ARAP2: variants seen among roughly 807,000 people sequenced by gnomAD.
ARAP2 encodes the protein arf-GAP with Rho-GAP domain, ANK repeat and PH domain-containing protein 2.
Under a neutral mutation model 194.5 loss-of-function variants are expected in ARAP2, and 148 were observed. The observed-to-expected ratio is 0.76, with a 90% CI of 0.67 to 0.87. The LOEUF (loss-of-function observed/expected upper bound fraction) is 0.87. ARAP2 is among the 40% of genes least tolerant of loss of function. ARAP2 has a pLI of 0.00. For synonymous variants in ARAP2, 695 were observed against 683.5 expected (o/e 1.02, Z -0.26); for missense variants, 2,128 against 1,989.7 (o/e 1.07, Z -1.32).
intron 15 of ARAP2, among the ~76,000 whole-genome samples, chr4:36,156,840 A>G (rs1298263523): frequency 6.6e-6 from 1 of 152,262 alleles, no homozygotes; most frequent in Non-Finnish European, 1.5e-5. Flanking sequence ...CGTATTACCT[A>G]AAATGCAATG....
At chr4:36,147,421 G>A (rs1202395819) in intron 18 of ARAP2, 62 bp from the exon 19 acceptor site, 3 of 1,583,684 alleles carry the variant, frequency 1.9e-6, no homozygotes, top group African/African-American at 2.7e-5. Context: ...CACCCATGAA[G>A]ACACAAATAT....
rs1746521326 is a variant in ARAP2 at position 36,210,512 on chromosome 4, T to C, written c.1365A>G (p.Ser455=). 1.2e-6 allele frequency: 2 copies of C among 1,611,444 alleles called. No individual in the cohort carries two copies. The highest frequency in any genetic ancestry group is 2.7e-5 in the African/African-American group (2 of 74,880). The change falls in exon 6 of 33, where the codon TCA becomes TCG. Residue 455 remains serine (S), a synonymous_variant. Transcript: ENST00000303965. ...SVNRHSYPLS[S]TSGNADSSAV... is the part of the protein sequence containing the mutation. ...CTGATGAATCAGCATTTCCACTTGT[T>C]GAGCTTAACGGATAACTGTGCCTAT... is the stretch of plus-strand genomic sequence containing the variant.
intron 19 of ARAP2, among the ~76,000 whole-genome samples, chr4:36,142,170 G>T (rs1161577157): frequency 6.6e-6 from 1 of 151,592 alleles, no homozygotes; most frequent in South Asian, 2.1e-4. Flanking sequence ...AAATTGACTG[G>T]TATCTCTCTC....
Position 36,149,333 on chromosome 4 carries a change from C to A in ARAP2, c.2898-826G>T, listed in dbSNP as rs188475458. 3.9e-4 allele frequency among the ~76,000 whole-genome samples: 59 copies of A among 152,232 alleles called. 1 individual carries two copies. Among genetic ancestry groups the A allele is most frequent in the Admixed American group, 2.4e-3 (36 of 15,278 alleles). Reference sequence around the variant, plus strand: ...TGTCCAGTCAGTCATTTAATCTTAGCAGTTCACCCTCTTCCTCTAGTTAAA... The same window carrying A: ...TGTCCAGTCAGTCATTTAATCTTAGAAGTTCACCCTCTTCCTCTAGTTAAA... On this transcript the variant is annotated intron_variant, in intron 16 of 32. Coordinates refer to ENST00000303965, the MANE Select transcript of ARAP2 (RefSeq NM_015230.4).
chr4:36,223,091 T>A (rs567159935), intron 2 of ARAP2, among the ~76,000 whole-genome samples: 33 of 152,204 alleles, frequency 2.2e-4, no homozygotes, highest in Non-Finnish European at 4.0e-4. Flanking sequence ...ACGTCATTGT[T>A]GAGGGGCTCA....
At position 36,133,293 on chromosome 4, in the gene ARAP2, A is replaced by G; in HGVS notation, c.3360T>C (p.Asp1120=). The part of the protein sequence containing the change: ...AAGTDGNALQ[D]QQLSKNDVPI... Reference sequence around the variant, plus strand: ...GAACGTCATTTTTGCTGAGCTGCTGATCTTGTAAAGCATTACCATCTGTAC... The same window carrying G: ...GAACGTCATTTTTGCTGAGCTGCTGGTCTTGTAAAGCATTACCATCTGTAC... Residue 1120 remains aspartate (D), a synonymous_variant, in exon 20 of 33, where the codon GAT becomes GAC. Coordinates refer to ENST00000303965, the MANE Select transcript of ARAP2 (RefSeq NM_015230.4). The G allele has an allele frequency of 6.2e-7, 1 of 1,611,444 alleles. No individual in the cohort carries two copies. Among genetic ancestry groups the G allele is most frequent in the Non-Finnish European group, 8.5e-7 (1 of 1,178,354 alleles).
intron 1 of ARAP2, among the ~76,000 whole-genome samples, chr4:36,060,564 A>T (rs1324765310): frequency 1.3e-5 from 2 of 152,206 alleles, no homozygotes; most frequent in Non-Finnish European, 2.9e-5. Context: ...TGCTCATCAT[A>T]TATCAATATT....
chr4:36,232,876 T>G (rs1037526311), intron 1 of ARAP2, among the ~76,000 whole-genome samples: 8 of 152,256 alleles, frequency 5.3e-5, no homozygotes, highest in African/African-American at 1.7e-4. Flanking sequence ...ATTAGTTTTT[T>G]GCTATGCATG....
At chr4:36,040,708 T>C (rs930630207) in intron 5 of ARAP2, among the ~76,000 whole-genome samples, 1 of 151,066 alleles carries the variant, frequency 6.6e-6, no homozygotes, top group Non-Finnish European at 1.5e-5. Flanking sequence ...GAAACTTTGC[T>C]GAAGTTTCTG....
intron 2 of ARAP2, among the ~76,000 whole-genome samples, chr4:36,221,486 TCA>T (rs1384871725): frequency 6.6e-6 from 1 of 151,994 alleles, no homozygotes; most frequent in Non-Finnish European, 1.5e-5. Flanking sequence ...GTCTTGTTCC[TCA>T]CCCAGGACCT....
intron 17 of ARAP2, 97 bp from the exon 18 acceptor site, chr4:36,147,843 T>C: frequency 5.6e-6 from 6 of 1,069,514 alleles, no homozygotes; most frequent in Non-Finnish European, 7.9e-6. Flanking sequence ...ATTATCTTAG[T>C]TTTTCAATTT....
chr4:36,118,602 CA>C (rs1355971289), intron 24 of ARAP2, among the ~76,000 whole-genome samples: 5 of 151,368 alleles, frequency 3.3e-5, no homozygotes, highest in Non-Finnish European at 5.9e-5. Flanking sequence ...AAAGGATACT[CA>C]AACTTTTTTA....
At chr4:36,189,320 T>C (rs1741337596) in intron 7 of ARAP2, among the ~76,000 whole-genome samples, 1 of 152,180 alleles carries the variant, frequency 6.6e-6, no homozygotes, top group Non-Finnish European at 1.5e-5. Context: ...TCATGATACA[T>C]AGTGATGTCG....
intron 6 of ARAP2, among the ~76,000 whole-genome samples, chr4:36,017,023 G>A (rs898435427): frequency 3.3e-5 from 5 of 151,844 alleles, no homozygotes; most frequent in South Asian, 2.1e-4. Context: ...TGTCAAATCC[G>A]TGCTCATTTG....
chr4:36,030,796 CGT>C (rs952274374), intron 5 of ARAP2, among the ~76,000 whole-genome samples: 2 of 28,436 alleles, frequency 7.0e-5, no homozygotes, highest in African/African-American at 1.4e-4. Context: ...ACATTGTCTA[CGT>C]TTTTTTTTTT....
intron 3 of ARAP2, among the ~76,000 whole-genome samples, chr4:36,048,195 T>A (rs529245491): frequency 1.3e-5 from 2 of 152,344 alleles, no homozygotes; most frequent in East Asian, 3.9e-4. Context: ...CACAGGTTTA[T>A]TTCCGAACTC....
At chr4:36,058,037 G>A (rs1723808192) in exon 2 of ARAP2, 1 of 152,002 alleles carries the variant, frequency 6.6e-6, no homozygotes, top group African/African-American at 2.4e-5. Flanking sequence ...AATTGAGGTT[G>A]TGGGCAGTTT....
At position 36,043,658 on chromosome 4, in the gene ARAP2, T is replaced by C. The variant is rs1263235011; in HGVS notation, n.607+2321A>G. On this transcript the variant is annotated intron_variant and non_coding_transcript_variant, in intron 5 of 12. Transcript: ENST00000503225. ...ATAATTTCAGAAACTCAGAAGGCTA[T>C]GTGAGGATCATGTAAACCCAGGAGT... Among the ~76,000 whole-genome samples, 5 of 151,726 alleles carry C rather than the reference T, an allele frequency of 3.3e-5. 1 individual carries two copies. The South Asian group carries it at 6.3e-4, about 19-fold the overall frequency.
In ARAP2 at chr4:36,054,174, A is replaced by AGT. The variant is rs148860198; in HGVS notation, n.322-2123_322-2122dup. On this transcript the variant is annotated intron_variant and non_coding_transcript_variant, in intron 2 of 12. Coordinates refer to the ARAP2 transcript ENST00000503225. ...TGGAATGTACAGGCCCTAACTAAGGAGTTTTTATCCCCAAGAACATCAGAG... is the reference window on the plus strand; with the variant it reads ...TGGAATGTACAGGCCCTAACTAAGGAGTGTTTTTATCCCCAAGAACATCAGAG... Among the ~76,000 whole-genome samples the AGT allele has an allele frequency of 7.7e-3, 1,168 of 152,300 alleles. 22 individuals are homozygous for AGT. The highest frequency in any genetic ancestry group is 0.027 in the African/African-American group (1,111 of 41,554).
Sources: gnomAD v4.1 joint callset for allele counts (sites outside exome capture counted in the v4.1 genomes callset) on GRCh38, gnomAD v4.1.1 for gene constraint, MANE v1.5 for transcripts, NCBI Gene and HGNC (gene_info 2026-07-23, HGNC 2026-07-21) for gene names.